The following SMAP1 variants were observed in gnomAD, a reference collection of about 807,000 sequenced individuals.
SMAP1 encodes stromal membrane-associated protein 1.
Under a neutral mutation model 58.5 loss-of-function variants are expected in SMAP1, and 24 were observed. That is an observed-to-expected ratio of 0.41 (90% confidence interval 0.30 to 0.58). The LOEUF is 0.58. Ranked by LOEUF, SMAP1 falls within the 20% of genes least tolerant of loss-of-function variation. SMAP1 has a pLI of 0.29. For synonymous variants in SMAP1, 216 were observed against 196.6 expected (o/e 1.10, Z -0.82); for missense variants, 563 against 566.3 (o/e 0.99, Z 0.06).
chr6:70,787,071 A>C (rs1224322246), intron 4 of SMAP1, among the ~76,000 whole-genome samples: 2 of 152,210 alleles, frequency 1.3e-5, no homozygotes, highest in Non-Finnish European at 2.9e-5. Flanking sequence ...TACAGTAACC[A>C]AAACAGCATG....
intron 4 of SMAP1, among the ~76,000 whole-genome samples, chr6:70,776,704 T>G (rs1027940173): frequency 6.6e-6 from 1 of 152,170 alleles, no homozygotes; most frequent in African/African-American, 2.4e-5. Context: ...ATGAGTTCAG[T>G]TTTTCTTAGC....
intron 3 of SMAP1, among the ~76,000 whole-genome samples, chr6:70,770,947 T>G (rs6916698): frequency 2.1e-3 from 321 of 152,294 alleles, no homozygotes; most frequent in African/African-American, 7.4e-3. Context: ...TCCTTTCTGT[T>G]TGTTAGTTTT....
intron 4 of SMAP1, among the ~76,000 whole-genome samples, chr6:70,789,949 A>G (rs1450077462): frequency 9.2e-5 from 14 of 152,108 alleles, no homozygotes; most frequent in Admixed American, 9.2e-4. Context: ...ACATCAGCTT[A>G]TCATCTTCTC....
intron 7 of SMAP1, among the ~76,000 whole-genome samples, chr6:70,847,690 G>A (rs1353370194): frequency 1.3e-5 from 2 of 152,002 alleles, no homozygotes; most frequent in African/African-American, 4.8e-5. Flanking sequence ...CTTGTACTCT[G>A]GATCTCCCAT....
chr6:70,717,871 G>A (rs767405996), intron 1 of SMAP1, among the ~76,000 whole-genome samples: 1 of 152,132 alleles, frequency 6.6e-6, no homozygotes, highest in Non-Finnish European at 1.5e-5. Flanking sequence ...TTAAATACTT[G>A]ATGATGAGAA....
rs565200729 is a variant in SMAP1, at chr6:70,832,989, C to T, written c.577-3952C>T. Among the ~76,000 whole-genome samples the T allele has an allele frequency of 9.2e-5, 14 of 152,088 alleles. No homozygotes were observed. The South Asian group carries it at 2.1e-3, about 23-fold the overall frequency. ...AGGAACATAAGTACTTACTTCCTGT[C>T]GTTTTACACAAAAATCTGTAAAAAT... On this transcript the variant is annotated intron_variant, in intron 6 of 10. Transcript: ENST00000370455.
chr6:70,712,052 T>C (rs1253796380), intron 1 of SMAP1, among the ~76,000 whole-genome samples: 1 of 152,224 alleles, frequency 6.6e-6, no homozygotes, highest in Non-Finnish European at 1.5e-5. Flanking sequence ...CAGATTATTA[T>C]GTTTGCTTTG....
intron 1 of SMAP1, among the ~76,000 whole-genome samples, chr6:70,712,777 CTTTTTTCT>C (rs1185834670): frequency 2.1e-5 from 3 of 144,140 alleles, no homozygotes; most frequent in African/African-American, 7.9e-5. Flanking sequence ...CTTTTCTTTT[CTTTTTTCT>C]TTTTTTCTTT....
Position 70,858,157 on chromosome 6 carries a change from G to T in SMAP1, c.1197G>T (p.Val399=). 2 of 1,613,986 alleles carry T rather than the reference G, an allele frequency of 1.2e-6. No individual in the cohort carries two copies. The highest frequency in any genetic ancestry group is 1.7e-6 in the Non-Finnish European group (2 of 1,179,972). The part of the protein sequence containing the change: ...QNVVGPQGGM[V]GQMGAPQSKF... Reference sequence around the variant, plus strand: ...TTGTTGGCCCCCAAGGAGGAATGGTGGGACAAATGGGTGCACCCCAGAGTA... The same window carrying T: ...TTGTTGGCCCCCAAGGAGGAATGGTTGGACAAATGGGTGCACCCCAGAGTA... Residue 399 remains valine, a synonymous_variant, in exon 10 of 11, where the codon GTG becomes GTT. Coordinates refer to ENST00000370455, the MANE Select transcript of SMAP1 (RefSeq NM_001044305.3).
intron 1 of SMAP1, among the ~76,000 whole-genome samples, chr6:70,671,989 C>G (rs893811910): frequency 4.6e-5 from 7 of 152,146 alleles, no homozygotes; most frequent in African/African-American, 1.7e-4. Context: ...TTTTTTAACT[C>G]TAGAGATTGT....
At chr6:70,776,039 A>T (rs1767532636) in intron 4 of SMAP1, among the ~76,000 whole-genome samples, 1 of 152,234 alleles carries the variant, frequency 6.6e-6, no homozygotes, top group Non-Finnish European at 1.5e-5. Flanking sequence ...ATACTAAAAC[A>T]AAGAGGACAT....
chr6:70,777,729 G>C (rs1228952725), intron 4 of SMAP1, among the ~76,000 whole-genome samples: 1 of 150,964 alleles, frequency 6.6e-6, no homozygotes, highest in Non-Finnish European at 1.5e-5. Context: ...TATAGTTTTG[G>C]GTCTCCTATT....
At chr6:70,797,602 C>A (rs1371358543) in intron 5 of SMAP1, among the ~76,000 whole-genome samples, 1 of 152,018 alleles carries the variant, frequency 6.6e-6, no homozygotes, top group Admixed American at 6.6e-5. Context: ...GCCCTTTGAA[C>A]TTTTATTATT....
intron 1 of SMAP1, among the ~76,000 whole-genome samples, chr6:70,705,800 A>G (rs1432463366): frequency 1.3e-5 from 2 of 152,202 alleles, no homozygotes; most frequent in East Asian, 1.9e-4. Flanking sequence ...CCTACAAGGT[A>G]TAGATCAACT....
At chr6:70,716,732 G>A (rs1243293736) in intron 1 of SMAP1, among the ~76,000 whole-genome samples, 1 of 151,902 alleles carries the variant, frequency 6.6e-6, no homozygotes, top group Non-Finnish European at 1.5e-5. Flanking sequence ...TTCAAAATAT[G>A]TTCTGTCACT....
chr6:70,669,004 T>G (rs1477590256), intron 1 of SMAP1, among the ~76,000 whole-genome samples: 1 of 152,218 alleles, frequency 6.6e-6, no homozygotes, highest in Non-Finnish European at 1.5e-5. Flanking sequence ...GTTGGAGGGC[T>G]TCTGCCTCAG....
At chr6:70,736,369 T>C (rs986214632) in intron 2 of SMAP1, among the ~76,000 whole-genome samples, 3 of 152,198 alleles carry the variant, frequency 2.0e-5, no homozygotes, top group Non-Finnish European at 4.4e-5. Flanking sequence ...TTTATACTTT[T>C]ATAAATACTA....
intron 3 of SMAP1, among the ~76,000 whole-genome samples, chr6:70,760,360 C>G (rs1262282123): frequency 1.3e-5 from 2 of 151,896 alleles, no homozygotes; most frequent in Non-Finnish European, 2.9e-5. Context: ...CTTTATTGTT[C>G]ATATGGTTGT....
intron 7 of SMAP1, among the ~76,000 whole-genome samples, chr6:70,843,365 A>T (rs960858477): frequency 1.9e-4 from 29 of 152,310 alleles, no homozygotes; most frequent in Middle Eastern, 3.4e-3. Flanking sequence ...TAATAATCAG[A>T]TACTGCTAAC....
Sources: gnomAD v4.1 joint callset for allele counts (sites outside exome capture counted in the v4.1 genomes callset) on GRCh38, gnomAD v4.1.1 for gene constraint, MANE v1.5 for transcripts, NCBI Gene and HGNC (gene_info 2026-07-23, HGNC 2026-07-21) for gene names.